PTPRD: variants seen among roughly 807,000 people sequenced by gnomAD.
PTPRD encodes protein tyrosine phosphatase receptor type D.
Under a neutral mutation model 214.5 loss-of-function variants are expected in PTPRD, and 34 were observed. The ratio of observed to expected loss-of-function variants is 0.16; its 90% CI spans 0.12 to 0.21. The LOEUF is 0.21. PTPRD is among the 10% of genes least tolerant of loss of function. PTPRD has a pLI of 1.00. For synonymous variants in PTPRD, 1,128 were observed against 845.7 expected, an observed-to-expected ratio of 1.33 and a Z score of -5.79; for missense variants, 2,545 against 2,398.7, an observed-to-expected ratio of 1.06 and a Z score of -1.27.
chr9:9,125,848 A>G (rs1022674055), intron 10 of PTPRD, among the ~76,000 whole-genome samples: 9 of 152,322 alleles, frequency 5.9e-5, no homozygotes, highest in African/African-American at 1.9e-4. Context: ...TCAATGGGGT[A>G]AAGTTGTTTT....
chr9:10,166,632 T>C (rs1371310902), intron 3 of PTPRD, among the ~76,000 whole-genome samples: 1 of 152,008 alleles, frequency 6.6e-6, no homozygotes, highest in Non-Finnish European at 1.5e-5. Context: ...GCATAAACTC[T>C]GCTGTGAGTT....
At chr9:8,666,415 G>C (rs895430172) in intron 12 of PTPRD, among the ~76,000 whole-genome samples, 5 of 151,986 alleles carry the variant, frequency 3.3e-5, no homozygotes, top group African/African-American at 7.3e-5. Context: ...AAAATCTTAT[G>C]TGAAAGGGAA....
chr9:8,888,004 C>T (rs1042280575), intron 11 of PTPRD, among the ~76,000 whole-genome samples: 2 of 152,100 alleles, frequency 1.3e-5, no homozygotes, highest in African/African-American at 4.8e-5. Flanking sequence ...TACCCACAAA[C>T]GTGGGGATTT....
intron 2 of PTPRD, among the ~76,000 whole-genome samples, chr9:10,458,799 C>CA (rs34601456): frequency 0.31 from 46,749 of 151,964 alleles, 7,867 homozygotes; most frequent in East Asian, 0.72. Context: ...AAGACACCAC[C>CA]AAAAACTGTT....
chr9:10,351,255 C>T (rs921515005), intron 2 of PTPRD, among the ~76,000 whole-genome samples: 10 of 151,864 alleles, frequency 6.6e-5, no homozygotes, highest in African/African-American at 1.9e-4. Flanking sequence ...TTACTGTCGC[C>T]CTCCATTTAT....
At chr9:8,761,503 T>A (rs377437116) in intron 11 of PTPRD, among the ~76,000 whole-genome samples, 2 of 152,152 alleles carry the variant, frequency 1.3e-5, no homozygotes, top group Admixed American at 6.5e-5. Context: ...TAAATTAGAA[T>A]TGGAGGATAG....
chr9:8,400,772 T>C (rs922903296), intron 36 of PTPRD, among the ~76,000 whole-genome samples: 6 of 152,312 alleles, frequency 3.9e-5, no homozygotes, highest in Middle Eastern at 6.8e-3. Context: ...GCTTCAGTTT[T>C]CTCATCTATA....
intron 11 of PTPRD, among the ~76,000 whole-genome samples, chr9:8,958,259 CTCTG>C (rs1315430115): frequency 6.6e-6 from 1 of 151,884 alleles, no homozygotes; most frequent in East Asian, 1.9e-4. Flanking sequence ...CCACTTCTCT[CTCTG>C]TCTGAACAAG....
chr9:8,692,069 C>G (rs1047369709), intron 12 of PTPRD, among the ~76,000 whole-genome samples: 2 of 152,084 alleles, frequency 1.3e-5, no homozygotes, highest in African/African-American at 2.4e-5. Flanking sequence ...TCCTTCTTCT[C>G]TTTTTGATCA....
intron 10 of PTPRD, among the ~76,000 whole-genome samples, chr9:9,145,133 C>T (rs935501104): frequency 2.0e-4 from 30 of 152,106 alleles, no homozygotes; most frequent in Non-Finnish European, 4.1e-4. Flanking sequence ...ACTGTTTTTC[C>T]TTAAGAATCT....
chr9:8,651,292 T>G (rs189778675), intron 12 of PTPRD, among the ~76,000 whole-genome samples: 1 of 152,082 alleles, frequency 6.6e-6, no homozygotes, highest in African/African-American at 2.4e-5. Context: ...TATTTGGGGG[T>G]ACAAAAGATG....
chr9:10,373,147 A>C (rs2097663189), intron 2 of PTPRD, among the ~76,000 whole-genome samples: 1 of 151,186 alleles, frequency 6.6e-6, no homozygotes, highest in Non-Finnish European at 1.5e-5. Context: ...TTATACTTAA[A>C]AAAAAAAAAA....
chr9:9,996,039 G>A (rs1231789751), intron 4 of PTPRD, among the ~76,000 whole-genome samples: 1 of 151,788 alleles, frequency 6.6e-6, no homozygotes, highest in African/African-American at 2.4e-5. Context: ...TACATTTCCA[G>A]CTCGAGTCTC....
At chr9:9,846,263 C>T (rs2059516029) in intron 5 of PTPRD, among the ~76,000 whole-genome samples, 1 of 152,102 alleles carries the variant, frequency 6.6e-6, no homozygotes, top group Non-Finnish European at 1.5e-5. Context: ...GGATATTTCA[C>T]AAACTCAGTA....
At chr9:10,045,442 C>T (rs748763905) in intron 3 of PTPRD, among the ~76,000 whole-genome samples, 1 of 151,478 alleles carries the variant, frequency 6.6e-6, no homozygotes, top group African/African-American at 2.4e-5. Flanking sequence ...TGAAAAATAG[C>T]CTTGATTATC....
At chr9:9,198,090 G>A (rs1469334976) in intron 9 of PTPRD, among the ~76,000 whole-genome samples, 1 of 152,040 alleles carries the variant, frequency 6.6e-6, no homozygotes, top group Admixed American at 6.6e-5. Flanking sequence ...TGTGCATTTA[G>A]GTTTACTTAT....
intron 2 of PTPRD, among the ~76,000 whole-genome samples, chr9:10,356,115 T>A (rs1312169619): frequency 1.3e-5 from 2 of 152,014 alleles, no homozygotes; most frequent in African/African-American, 4.8e-5. Flanking sequence ...AAATTGCCTT[T>A]TTTTTTTTTC....
intron 14 of PTPRD, among the ~76,000 whole-genome samples, chr9:8,583,922 C>G (rs753116564): frequency 2.0e-5 from 3 of 152,116 alleles, no homozygotes; most frequent in Non-Finnish European, 4.4e-5. Flanking sequence ...GAAGCCAAGG[C>G]GGGCAGATCA....
At chr9:10,465,265 A>G (rs1333805595) in intron 2 of PTPRD, among the ~76,000 whole-genome samples, 2 of 152,220 alleles carry the variant, frequency 1.3e-5, no homozygotes, top group Non-Finnish European at 2.9e-5. Flanking sequence ...TGTACATGAC[A>G]TGTAAAACCT....
Sources: gnomAD v4.1 joint callset for allele counts (sites outside exome capture counted in the v4.1 genomes callset) on GRCh38, gnomAD v4.1.1 for gene constraint, MANE v1.5 for transcripts, NCBI Gene and HGNC (gene_info 2026-07-23, HGNC 2026-07-21) for gene names.